The following LRRC51 variants were observed in gnomAD, a reference collection of about 807,000 sequenced individuals.
LRRC51 encodes the protein leucine rich repeat containing 51, also known as leucine-rich repeat-containing protein 51.
In LRRC51, 8 loss-of-function variants were observed where a neutral mutation model predicts 17.8. The ratio of observed to expected loss-of-function variants is 0.45; its 90% CI spans 0.26 to 0.81. The LOEUF is 0.81. Ranked by LOEUF, LRRC51 falls within the 30% of genes least tolerant of loss-of-function variation. The pLI is 0.17. For missense variants in LRRC51, 233 were observed against 239.3 expected, an observed-to-expected ratio of 0.97 and a Z score of 0.17; for synonymous variants, 92 against 96.0, an observed-to-expected ratio of 0.96 and a Z score of 0.24.
chr11:72,093,584 T>C lies in LRRC51; in HGVS notation c.171T>C (p.Asn57=). The C allele has an allele frequency of 6.2e-7, 1 of 1,614,230 alleles. No homozygotes were observed. The highest frequency in any genetic ancestry group is 8.5e-7 in the Non-Finnish European group (1 of 1,180,034). Residue 57 remains asparagine (N), a synonymous_variant, in exon 4 of 6, where the codon AAT becomes AAC. Transcript: ENST00000289488. Reference sequence around the variant, plus strand: ...CACTGACCCAGTCCCTGTGGCTGAATAACAATGTTCTCAATGATCTGAGAG... The same window carrying C: ...CACTGACCCAGTCCCTGTGGCTGAACAACAATGTTCTCAATGATCTGAGAG... ...GKSLTQSLWL[N]NNVLNDLRDF... is the part of the protein sequence containing the mutation.
intron 4 of LRRC51, 88 bp downstream of exon 4, chr11:72,093,789 GGAA>G: frequency 8.0e-7 from 1 of 1,242,612 alleles, no homozygotes; most frequent in South Asian, 1.2e-5. Context: ...ATGTTATCAA[GGAA>G]GTAATGAGGC....
At chr11:72,094,380 C>A in intron 4 of LRRC51, 1 of 350,960 alleles carries the variant, frequency 2.8e-6, no homozygotes, top group Non-Finnish European at 5.2e-6. Context: ...TGCGCACCCA[C>A]TGTGACCTGT....
At chr11:72,085,805 G>A (rs539418532) in intron 1 of LRRC51, 1 of 152,648 alleles carries the variant, frequency 6.6e-6, no homozygotes, top group South Asian at 2.1e-4. Context: ...TGGGTTGGGT[G>A]ACTCTCCTGA....
At chr11:72,093,769 C>G in intron 4 of LRRC51, 68 bp downstream of exon 4, 1 of 1,379,460 alleles carries the variant, frequency 7.2e-7, no homozygotes, top group Non-Finnish European at 1.0e-6. Flanking sequence ...CCCAACCTCT[C>G]CACTCCTACA....
At position 72,094,988 on chromosome 11, in the gene LRRC51, ACGGCAACAGC is replaced by A; in HGVS notation, c.330_339del (p.His110GlnfsTer8). 4 of 1,613,874 alleles carry A rather than the reference ACGGCAACAGC, an allele frequency of 2.5e-6. No individual in the cohort carries two copies. Among genetic ancestry groups the A allele is most frequent in the Non-Finnish European group, 3.4e-6 (4 of 1,179,980 alleles). On this transcript the variant is annotated frameshift_variant, in exon 5 of 6. Transcript: ENST00000289488. LOFTEE classifies it high-confidence loss of function. ...TTCAACCTGAGTGTCCTCTATCTTC[ACGGCAACAGC>A]ATCCAGCGCCTGGGGGAGGTGAATA... is the stretch of plus-strand genomic sequence containing the variant.
intron 3 of LRRC51, among the ~76,000 whole-genome samples, chr11:72,091,728 G>C (rs1402320266): frequency 6.6e-6 from 1 of 152,186 alleles, no homozygotes; most frequent in Admixed American, 6.5e-5. Context: ...TGAGGATGTT[G>C]TTTATGCTAA....
chr11:72,086,748 TGCTC>T (rs1944553775), intron 1 of LRRC51, among the ~76,000 whole-genome samples: 5 of 16,632 alleles, frequency 3.0e-4, no homozygotes, highest in Non-Finnish European at 1.7e-3. Flanking sequence ...TGCACTGGGT[TGCTC>T]TGTCAAGAAA....
At position 72,096,009 on chromosome 11, in the gene LRRC51, AT is replaced by A. The variant is rs201554370; in HGVS notation, c.*500del. 13,409 of 130,574 alleles carry A rather than the reference AT, an allele frequency of 0.1. 675 individuals carry two copies. Among genetic ancestry groups the A allele is most frequent in the East Asian group, 0.22 (1,089 of 5,050 alleles). 8.1% of individuals were successfully genotyped at this position (130,574 alleles called of 1,614,324 possible). A position where few individuals can be genotyped will look rare whatever the true frequency, so the allele number is the denominator to read the frequency against. On this transcript the variant is annotated 3_prime_UTR_variant, in exon 6 of 6. Transcript: ENST00000289488. ...AGGCGCCTGCTACCACATCCAGCTA[AT>A]TTTTTTTTTTGAGACGGAGTCTCGC...
intron 2 of LRRC51, 32 bp from the exon 3 acceptor site, chr11:72,088,997 C>A: frequency 6.2e-7 from 1 of 1,608,910 alleles, no homozygotes; most frequent in South Asian, 1.1e-5. Flanking sequence ...AGCCGGTGTA[C>A]TTGAAACACT....
chr11:72,091,600 A>G (rs940827475), intron 3 of LRRC51, among the ~76,000 whole-genome samples: 3 of 152,214 alleles, frequency 2.0e-5, no homozygotes, highest in South Asian at 4.1e-4. Context: ...AAGGCTTAGC[A>G]GCAATGGGAA....
chr11:72,086,470 A>G (rs1255084241), intron 1 of LRRC51: 1 of 702,238 alleles, frequency 1.4e-6, no homozygotes, highest in East Asian at 2.7e-5. Flanking sequence ...TAGAAAGAAC[A>G]GCTTAGCATC....
intron 3 of LRRC51, among the ~76,000 whole-genome samples, chr11:72,090,154 G>A (rs1056924670): frequency 6.6e-6 from 1 of 152,262 alleles, no homozygotes; most frequent in South Asian, 2.1e-4. Context: ...GTTCTCTCAC[G>A]AGCACACAGC....
chr11:72,092,501 C>T (rs1042062286), intron 3 of LRRC51, among the ~76,000 whole-genome samples: 2 of 152,196 alleles, frequency 1.3e-5, no homozygotes, highest in African/African-American at 4.8e-5. Flanking sequence ...ATCCATATTC[C>T]ACACTGACAC....
intron 1 of LRRC51, among the ~76,000 whole-genome samples, chr11:72,082,327 A>G (rs1365982031): frequency 6.6e-6 from 1 of 152,060 alleles, no homozygotes; most frequent in East Asian, 1.9e-4. Flanking sequence ...TCCACTTACT[A>G]CCTTAAAGTT....
intron 1 of LRRC51, among the ~76,000 whole-genome samples, chr11:72,085,085 G>A (rs1944459440): frequency 6.6e-6 from 1 of 152,142 alleles, no homozygotes; most frequent in African/African-American, 2.4e-5. Context: ...AGAAATTCCA[G>A]TTCCGAAACA....
In LRRC51 at chr11:72,096,776, T is replaced by C. The variant is rs757375425; in HGVS notation, c.*1256T>C. ...AGGCCTCCATGACAGGCCAAGAAGATGGCCTATGATCTCTGAAACCAGCCC... is the reference window on the plus strand; with the variant it reads ...AGGCCTCCATGACAGGCCAAGAAGACGGCCTATGATCTCTGAAACCAGCCC... On this transcript the variant is annotated 3_prime_UTR_variant, in exon 6 of 6. Transcript: ENST00000289488. 8 of 1,457,874 alleles carry C rather than the reference T, an allele frequency of 5.5e-6. No homozygotes were observed. The highest frequency in any genetic ancestry group is 1.8e-4 in the Middle Eastern group (1 of 5,694). 90.3% of individuals were successfully genotyped at this position (1,457,874 alleles called of 1,614,324 possible).
rs1330940074 is a variant in LRRC51, at chr11:72,095,008, C to T, written c.349C>T (p.Leu117=). ...TCTTCACGGCAACAGCATCCAGCGCCTGGGGGAGGTGAATAAGCTGGCTGT... is the reference window on the plus strand; with the variant it reads ...TCTTCACGGCAACAGCATCCAGCGCTTGGGGGAGGTGAATAAGCTGGCTGT... ...LYLHGNSIQR[L]GEVNKLAVLP... Residue 117 remains leucine (L), a synonymous_variant, in exon 5 of 6, where the codon CTG becomes TTG. Coordinates refer to ENST00000289488, the MANE Select transcript of LRRC51 (RefSeq NM_145309.6). 1 of 1,614,052 alleles carries T rather than the reference C, an allele frequency of 6.2e-7. No individual in the cohort carries two copies. The highest frequency in any genetic ancestry group is 1.1e-5 in the South Asian group (1 of 91,044).
chr11:72,092,643 TC>T (rs1944927763), intron 3 of LRRC51, among the ~76,000 whole-genome samples: 1 of 152,274 alleles, frequency 6.6e-6, no homozygotes, highest in Non-Finnish European at 1.5e-5. Context: ...GATTCCTGCC[TC>T]CTTTTCCTCT....
intron 1 of LRRC51, among the ~76,000 whole-genome samples, chr11:72,083,549 C>T (rs555261257): frequency 2.0e-5 from 3 of 152,064 alleles, no homozygotes; most frequent in South Asian, 4.2e-4. Flanking sequence ...TACTACTTGC[C>T]GGCACTATGA....
Sources: allele counts gnomAD v4.1 joint callset (sites outside exome capture counted in the v4.1 genomes callset), GRCh38; gene constraint gnomAD v4.1.1; transcripts MANE v1.5; gene names NCBI Gene and HGNC (gene_info 2026-07-23, HGNC 2026-07-21).